Variants in KCNA3 observed in about 807,000 individuals in gnomAD.
The protein encoded by KCNA3 is RP11-284N8.3.
In KCNA3, 18 loss-of-function variants were observed where a neutral mutation model predicts 34.3. That is an observed-to-expected ratio of 0.52 (90% CI 0.36 to 0.78). KCNA3 has a LOEUF of 0.78. Ranked by LOEUF, KCNA3 falls within the 30% of genes least tolerant of loss-of-function variation. The pLI is 0.00. For synonymous variants in KCNA3, 324 were observed against 351.7 expected, an observed-to-expected ratio of 0.92 and a Z score of 0.88; for missense variants, 587 against 802.5, an observed-to-expected ratio of 0.73 and a Z score of 3.24.
the KCNA3 span, among the ~76,000 whole-genome samples, chr1:110,662,572 G>T: frequency 6.6e-6 from 1 of 152,114 alleles, no homozygotes; most frequent in African/African-American, 2.4e-5. Context: ...CCAAGTAAAT[G>T]GTAATGAATA....
At chr1:110,653,686 G>C in the KCNA3 span, 3 of 151,966 alleles carry the variant, frequency 2.0e-5, no homozygotes, top group Non-Finnish European at 4.4e-5. Context: ...GATATTTTCT[G>C]ATATTTACTT....
the KCNA3 span, among the ~76,000 whole-genome samples, chr1:110,658,401 T>G: frequency 4.6e-5 from 7 of 152,182 alleles, no homozygotes; most frequent in African/African-American, 1.7e-4. Context: ...TCAGGTATAT[T>G]TTGAAACTAA....
downstream of KCNA3, among the ~76,000 whole-genome samples, chr1:110,670,505 C>T (rs955084549): frequency 2.0e-5 from 3 of 152,140 alleles, no homozygotes; most frequent in African/African-American, 7.2e-5. Flanking sequence ...TGTCATTGCA[C>T]TTCCTCCATC....
At chr1:110,657,248 T>C in the KCNA3 span, among the ~76,000 whole-genome samples, 3 of 152,144 alleles carry the variant, frequency 2.0e-5, no homozygotes, top group African/African-American at 7.2e-5. Context: ...GGTTTCACTA[T>C]GTTGGCCAGG....
rs775356636 is a variant in KCNA3 at position 110,673,233 on chromosome 1, T to C, written c.1577A>G (p.Lys526Arg). 2 of 1,614,136 alleles carry C rather than the reference T, an allele frequency of 1.2e-6. No homozygotes were observed. Among genetic ancestry groups the C allele is most frequent in the Non-Finnish European group, 1.7e-6 (2 of 1,180,028 alleles). ...CTCTTCGATCACCATATACTCCGAC[T>C]TACTCAGAGTCGAGTTACTCCTTGC... is the stretch of plus-strand genomic sequence containing the variant. The part of the protein sequence containing the change: ...RKARSNSTLS[K>R]SEYMVIEEGG... The change falls in exon 1 of 1, where the codon AAG becomes AGG. Residue 526 changes from lysine to arginine, a missense_variant. Transcript: ENST00000369769. The surrounding 1 kb of genome is among the most constrained non-coding windows in gnomAD (Gnocchi z 8.8).
At position 110,672,794 on chromosome 1, in the gene KCNA3, T is replaced by A. The variant is rs1176123950; in HGVS notation, c.*288A>T. The A allele has an allele frequency of 9.1e-6, 3 of 330,944 alleles. No individual in the cohort carries two copies. The highest frequency in any genetic ancestry group is 4.2e-5 in the African/African-American group (2 of 47,554). 20.5% of individuals were successfully genotyped at this position (330,944 alleles called of 1,614,324 possible). On this transcript the variant is annotated 3_prime_UTR_variant, in exon 1 of 1. Transcript: ENST00000369769. ...CCTCCCAGGATGTACTGCTCTTTTT[T>A]AAATAGGGCGTGTACTAGAAATGAA...
At chr1:110,667,853 T>A (rs1314458726), downstream of KCNA3, among the ~76,000 whole-genome samples, 1 of 152,180 alleles carries the variant, frequency 6.6e-6, no homozygotes, top group Non-Finnish European at 1.5e-5. Context: ...TAAATTATAC[T>A]TGCAAACTGA....
the KCNA3 span, among the ~76,000 whole-genome samples, chr1:110,663,817 T>C: frequency 1.4e-3 from 210 of 152,338 alleles, no homozygotes; most frequent in African/African-American, 4.8e-3. Flanking sequence ...TTTATAAATG[T>C]CACTCTACAA....
downstream of KCNA3, among the ~76,000 whole-genome samples, chr1:110,668,164 A>G (rs1455034381): frequency 6.6e-6 from 1 of 152,142 alleles, no homozygotes; most frequent in Non-Finnish European, 1.5e-5. Context: ...ACAAAGAAAA[A>G]GCTCCCACTG....
downstream of KCNA3, among the ~76,000 whole-genome samples, chr1:110,669,816 T>C (rs1651820286): frequency 6.6e-6 from 1 of 152,190 alleles, no homozygotes; most frequent in Non-Finnish European, 1.5e-5. Context: ...TCTTAATAAA[T>C]GGTAATTATT....
At chr1:110,660,510 AAGAGAG>A in the KCNA3 span, among the ~76,000 whole-genome samples, 2 of 150,362 alleles carry the variant, frequency 1.3e-5, no homozygotes, top group Non-Finnish European at 3.0e-5. Context: ...TGGAGAGAAA[AAGAGAG>A]AGAGAGAGAG....
chr1:110,673,804 T>C lies in KCNA3; in HGVS notation c.1006A>G (p.Ile336Val), dbSNP rs754124383. Residue 336 changes from isoleucine (I) to valine (V), a missense_variant, in exon 1 of 1, where the codon ATC becomes GTC. By Grantham distance (29) the Ile-to-Val change is conservative. Coordinates refer to ENST00000369769, the MANE Select transcript of KCNA3 (RefSeq NM_002232.5). This position sits in a 1 kb window ranked among gnomAD's most constrained non-coding sequence, Gnocchi z 8.8. ...NIMNLIDIVAIIPYFITLGTE... is the reference protein window; with the variant it reads ...NIMNLIDIVAVIPYFITLGTE... ...CCCAGAGTGATAAAATAAGGAATGATGGCCACAATGTCGATCAGGTTCATG... is the reference window on the plus strand; with the variant it reads ...CCCAGAGTGATAAAATAAGGAATGACGGCCACAATGTCGATCAGGTTCATG... 1.2e-6 allele frequency: 2 copies of C among 1,614,142 alleles called. No homozygotes were observed. Among genetic ancestry groups the C allele is most frequent in the Non-Finnish European group, 1.7e-6 (2 of 1,180,034 alleles).
chr1:110,656,931 C>T, the KCNA3 span: 117 of 152,098 alleles, frequency 7.7e-4, no homozygotes, highest in African/African-American at 2.8e-3. Flanking sequence ...AGAAAGAATC[C>T]TATTTCCTTT....
At chr1:110,654,988 G>A in the KCNA3 span, 1 of 152,156 alleles carries the variant, frequency 6.6e-6, no homozygotes, top group Non-Finnish European at 1.5e-5. Flanking sequence ...AAATCTTATA[G>A]TAAACTAACG....
rs1570801039 is a variant in KCNA3 at position 110,672,780 on chromosome 1, G to A, written c.*302C>T. ...CTTTAGTTTCATTTCCTCCCAGGAT[G>A]TACTGCTCTTTTTTAAATAGGGCGT... On this transcript the variant is annotated 3_prime_UTR_variant, in exon 1 of 1. Transcript: ENST00000369769. The A allele has an allele frequency of 3.3e-6, 1 of 303,212 alleles. No individual in the cohort carries two copies. The highest frequency in any genetic ancestry group is 6.1e-6 in the Non-Finnish European group (1 of 163,812). The allele number at this position is 303,212 out of a possible 1,614,324, so 18.8% of individuals were successfully genotyped here.
chr1:110,660,316 C>A, the KCNA3 span, among the ~76,000 whole-genome samples: 2 of 152,142 alleles, frequency 1.3e-5, no homozygotes, highest in South Asian at 4.1e-4. Flanking sequence ...TGCTTTTGGA[C>A]ACAAAATTTA....
chr1:110,654,558 G>A, the KCNA3 span: 1 of 152,152 alleles, frequency 6.6e-6, no homozygotes, highest in Non-Finnish European at 1.5e-5. Context: ...CTGACATCAA[G>A]TGAATTCAGT....
chr1:110,654,860 T>G, the KCNA3 span: 1 of 152,184 alleles, frequency 6.6e-6, no homozygotes, highest in Non-Finnish European at 1.5e-5. Flanking sequence ...ACTAGTCATT[T>G]GATCTTTCTA....
At chr1:110,662,068 G>T in the KCNA3 span, among the ~76,000 whole-genome samples, 1 of 138,202 alleles carries the variant, frequency 7.2e-6, no homozygotes, top group Non-Finnish European at 1.5e-5. Context: ...AGCCGAGACG[G>T]TGCCACTGCA....
Sources: gnomAD v4.1 joint callset for allele counts (sites outside exome capture counted in the v4.1 genomes callset) on GRCh38, gnomAD v4.1.1 for gene constraint, Gnocchi (gnomAD v3.1) non-coding constraint, MANE v1.5 for transcripts, NCBI Gene and HGNC (gene_info 2026-07-23, HGNC 2026-07-21) for gene names.